RFTN2: variants seen among roughly 807,000 people sequenced by gnomAD.
RFTN2 encodes raftlin-2.
Under a neutral mutation model 52.7 loss-of-function variants are expected in RFTN2, and 34 were observed. The ratio of observed to expected loss-of-function variants is 0.64; its 90% CI spans 0.49 to 0.86. The LOEUF (loss-of-function observed/expected upper bound fraction) is 0.86, where lower values mean the gene tolerates loss of function less well. Among genes scored for constraint, RFTN2 ranks in the 40% least tolerant of loss-of-function variants. The probability of loss-of-function intolerance (pLI) is 0.00; values close to 1 mark genes in which losing one functional copy is unlikely to be tolerated. For missense variants in RFTN2, 536 were observed against 600.1 expected (o/e 0.89, Z 1.12); for synonymous variants, 203 against 217.7 (o/e 0.93, Z 0.59).
chr2:197,629,891 C>T (rs1033684555), intron 5 of RFTN2, among the ~76,000 whole-genome samples: 3 of 151,810 alleles, frequency 2.0e-5, no homozygotes, highest in East Asian at 3.9e-4. Flanking sequence ...GCCTGACTAA[C>T]GTTTGCATTT....
intron 7 of RFTN2, among the ~76,000 whole-genome samples, chr2:197,607,833 T>C (rs1219410207): frequency 2.6e-5 from 4 of 152,202 alleles, no homozygotes; most frequent in Non-Finnish European, 5.9e-5. Flanking sequence ...TACAGTTTAG[T>C]TGTCCCAACT....
intron 7 of RFTN2, among the ~76,000 whole-genome samples, chr2:197,612,943 T>A (rs1370820953): frequency 6.6e-6 from 1 of 152,232 alleles, no homozygotes; most frequent in African/African-American, 2.4e-5. Context: ...TAAGGAAGAA[T>A]GTTTTCACTG....
intron 7 of RFTN2, among the ~76,000 whole-genome samples, chr2:197,597,640 T>G (rs1033082005): frequency 1.3e-5 from 2 of 152,152 alleles, no homozygotes; most frequent in Non-Finnish European, 2.9e-5. Context: ...TCCCTCAGCC[T>G]TCCGAGTAGC....
chr2:197,599,388 C>T (rs1455476377), intron 7 of RFTN2, among the ~76,000 whole-genome samples: 1 of 152,104 alleles, frequency 6.6e-6, no homozygotes, highest in Non-Finnish European at 1.5e-5. Context: ...AAAATATAAA[C>T]GAATTTGGAA....
At chr2:197,650,676 T>C (rs146374929) in intron 1 of RFTN2, among the ~76,000 whole-genome samples, 1 of 152,294 alleles carries the variant, frequency 6.6e-6, no homozygotes, top group African/African-American at 2.4e-5. Flanking sequence ...TATACCACAT[T>C]TTGTTTATCC....
intron 1 of RFTN2, among the ~76,000 whole-genome samples, chr2:197,651,363 A>C (rs766871598): frequency 6.6e-6 from 1 of 152,226 alleles, no homozygotes; most frequent in Non-Finnish European, 1.5e-5. Flanking sequence ...TCACGCCCGT[A>C]ATCCCAGCAA....
chr2:197,626,617 C>CTTT (rs71012985), intron 5 of RFTN2, among the ~76,000 whole-genome samples: 1,544 of 90,620 alleles, frequency 0.017, 113 homozygotes, highest in African/African-American at 0.045. Context: ...GAATAATCTT[C>CTTT]TTTTTTTTTT....
intron 1 of RFTN2, among the ~76,000 whole-genome samples, chr2:197,662,332 G>A (rs992087062): frequency 2.6e-5 from 4 of 152,058 alleles, no homozygotes; most frequent in African/African-American, 9.7e-5. Context: ...TAGTGGTCTG[G>A]TTTCATTCTT....
intron 7 of RFTN2, among the ~76,000 whole-genome samples, chr2:197,604,279 C>G (rs1286119817): frequency 6.6e-6 from 1 of 152,186 alleles, no homozygotes; most frequent in Non-Finnish European, 1.5e-5. Flanking sequence ...TAGAAACTCA[C>G]ACATGTGTGC....
At chr2:197,642,551 G>A (rs562817839) in intron 3 of RFTN2, among the ~76,000 whole-genome samples, 1 of 152,142 alleles carries the variant, frequency 6.6e-6, no homozygotes, top group South Asian at 2.1e-4. Context: ...ATCCATCATT[G>A]TCTTTTTCAA....
At position 197,657,036 on chromosome 2, in the gene RFTN2, A is replaced by T. The variant is rs72916941; in HGVS notation, c.140-10370T>A. ...CTCAGTTAAAAAAATAAAAAAAAAAATTTTTTTTGGTAGAGATGGGGTCTT... is the reference window on the plus strand; with the variant it reads ...CTCAGTTAAAAAAATAAAAAAAAAATTTTTTTTTGGTAGAGATGGGGTCTT... On this transcript the variant is annotated intron_variant, in intron 1 of 8. Transcript: ENST00000295049. Among the ~76,000 whole-genome samples the T allele has an allele frequency of 1.2e-3, 126 of 105,916 alleles. 1 individual carries two copies. Among genetic ancestry groups the T allele is most frequent in the Middle Eastern group, 5.7e-3 (1 of 174 alleles). The allele number at this position is 105,916 out of a possible 152,430, so 69.5% of individuals were successfully genotyped here.
intron 7 of RFTN2, among the ~76,000 whole-genome samples, chr2:197,612,885 T>C (rs924734942): frequency 7.2e-5 from 11 of 152,132 alleles, no homozygotes; most frequent in Non-Finnish European, 1.6e-4. Flanking sequence ...GTAGGGAGAA[T>C]GTTGAAATTA....
At chr2:197,616,413 G>A (rs536865539) in intron 6 of RFTN2, among the ~76,000 whole-genome samples, 11 of 151,576 alleles carry the variant, frequency 7.3e-5, no homozygotes, top group Non-Finnish European at 1.2e-4. Context: ...TGCCTCTGCC[G>A]CCTGAGTAAC....
intron 1 of RFTN2, among the ~76,000 whole-genome samples, chr2:197,670,990 C>A (rs1490738252): frequency 6.6e-6 from 1 of 152,194 alleles, no homozygotes; most frequent in Non-Finnish European, 1.5e-5. Flanking sequence ...GTATCCTATC[C>A]CTGTTACTGC....
At chr2:197,647,369 CCGGCTGAG>C (rs1467803305) in intron 1 of RFTN2, among the ~76,000 whole-genome samples, 4 of 152,048 alleles carry the variant, frequency 2.6e-5, no homozygotes, top group African/African-American at 9.7e-5. Context: ...GCCACCACAC[CCGGCTGAG>C]TTTTGTATTT....
chr2:197,600,342 G>T (rs1184942579), intron 7 of RFTN2, among the ~76,000 whole-genome samples: 1 of 152,152 alleles, frequency 6.6e-6, no homozygotes, highest in South Asian at 2.1e-4. Context: ...GTCAGCATCT[G>T]CCTACCTCTT....
At chr2:197,632,702 G>A (rs2088486699) in intron 4 of RFTN2, among the ~76,000 whole-genome samples, 1 of 152,180 alleles carries the variant, frequency 6.6e-6, no homozygotes, top group Admixed American at 6.5e-5. Flanking sequence ...TGATGGTGGA[G>A]ATGGGTGCGA....
At chr2:197,639,902 G>T (rs2088633191) in intron 3 of RFTN2, among the ~76,000 whole-genome samples, 1 of 149,388 alleles carries the variant, frequency 6.7e-6, no homozygotes, top group South Asian at 2.1e-4. Flanking sequence ...TGATGGTGAT[G>T]TACAGATGGG....
At chr2:197,621,820 G>A (rs776990998) in intron 5 of RFTN2, among the ~76,000 whole-genome samples, 41 of 152,110 alleles carry the variant, frequency 2.7e-4, no homozygotes, top group Non-Finnish European at 2.9e-4. Flanking sequence ...ATTTTAAATC[G>A]AAAGCTGGGA....
Sources: allele counts gnomAD v4.1 joint callset (sites outside exome capture counted in the v4.1 genomes callset), GRCh38; gene constraint gnomAD v4.1.1; transcripts MANE v1.5; gene names NCBI Gene and HGNC (gene_info 2026-07-23, HGNC 2026-07-21).